Variants in UST observed in about 807,000 individuals in gnomAD.
UST encodes chondroitin sulfate 2-O-sulfotransferase.
UST carries 21 observed loss-of-function variants against 45.6 expected under a neutral mutation model. The observed-to-expected ratio is 0.46, with a 90% CI of 0.33 to 0.66. The LOEUF (loss-of-function observed/expected upper bound fraction) is 0.66. Ranked by LOEUF, UST falls within the 30% of genes least tolerant of loss-of-function variation. UST has a pLI of 0.02. For synonymous variants in UST, 215 were observed against 200.6 expected (o/e 1.07, Z -0.61); for missense variants, 463 against 512.4 (o/e 0.90, Z 0.93).
At chr6:148,852,585 T>C (rs995808011) in intron 1 of UST, among the ~76,000 whole-genome samples, 3 of 152,216 alleles carry the variant, frequency 2.0e-5, no homozygotes, top group African/African-American at 4.8e-5. Context: ...CTCAGAGATC[T>C]GGAGCATAGG....
chr6:149,017,964 C>T (rs936281727), intron 5 of UST, among the ~76,000 whole-genome samples: 9 of 152,186 alleles, frequency 5.9e-5, no homozygotes, highest in Middle Eastern at 3.4e-3. Flanking sequence ...ACATATGCAC[C>T]CCCCTATTCA....
intron 3 of UST, among the ~76,000 whole-genome samples, chr6:148,952,848 G>A (rs1780394005): frequency 1.3e-5 from 2 of 152,314 alleles, no homozygotes; most frequent in Admixed American, 6.5e-5. Context: ...TCGTTTTGAT[G>A]GGGCCAACCA....
At chr6:149,036,277 C>T (rs961718489) in intron 7 of UST, among the ~76,000 whole-genome samples, 2 of 152,206 alleles carry the variant, frequency 1.3e-5, no homozygotes, top group Non-Finnish European at 1.5e-5. Flanking sequence ...CCATCTCTGA[C>T]TCTCAGCTGG....
chr6:148,950,270 G>A (rs1438129155), intron 3 of UST, among the ~76,000 whole-genome samples: 2 of 152,226 alleles, frequency 1.3e-5, no homozygotes, highest in African/African-American at 2.4e-5. Context: ...CTCGGGTGAT[G>A]CTGATGCTGC....
intron 1 of UST, among the ~76,000 whole-genome samples, chr6:148,830,466 G>A (rs542625087): frequency 2.1e-4 from 32 of 152,214 alleles, no homozygotes; most frequent in African/African-American, 6.7e-4. Flanking sequence ...TTGCCGCATC[G>A]TTTCCTTTCG....
At chr6:148,839,628 G>A (rs1207309435) in intron 1 of UST, among the ~76,000 whole-genome samples, 1 of 152,200 alleles carries the variant, frequency 6.6e-6, no homozygotes, top group East Asian at 1.9e-4. Flanking sequence ...GTGAGGCAGA[G>A]TCACTTGGGA....
At chr6:149,012,829 A>G (rs1775835471) in intron 5 of UST, among the ~76,000 whole-genome samples, 2 of 151,614 alleles carry the variant, frequency 1.3e-5, no homozygotes, top group African/African-American at 2.4e-5. Context: ...AAAAACTATC[A>G]GAATCACCAG....
At chr6:148,774,031 G>C (rs935494920) in intron 1 of UST, among the ~76,000 whole-genome samples, 2 of 152,150 alleles carry the variant, frequency 1.3e-5, no homozygotes, top group East Asian at 3.8e-4. Context: ...ACCAAAGGAA[G>C]AATTCAAAAT....
At chr6:148,795,010 T>C (rs1776921360) in intron 1 of UST, among the ~76,000 whole-genome samples, 1 of 152,228 alleles carries the variant, frequency 6.6e-6, no homozygotes, top group Non-Finnish European at 1.5e-5. Flanking sequence ...CTGACTCATG[T>C]TGTTTTTAAA....
chr6:148,968,485 C>T (rs940943764), intron 5 of UST, among the ~76,000 whole-genome samples: 1 of 152,208 alleles, frequency 6.6e-6, no homozygotes, highest in Non-Finnish European at 1.5e-5. Context: ...GTGGCTGCCT[C>T]CTTTTTGGGG....
intron 7 of UST, among the ~76,000 whole-genome samples, chr6:149,068,192 T>C (rs1776769845): frequency 6.6e-6 from 1 of 152,162 alleles, no homozygotes; most frequent in Non-Finnish European, 1.5e-5. Context: ...ACCATTATGC[T>C]CTACCACACT....
chr6:149,009,821 CT>C (rs60752380), intron 5 of UST, among the ~76,000 whole-genome samples: 6,105 of 143,084 alleles, frequency 0.043, 362 homozygotes, highest in African/African-American at 0.14. Context: ...TACCTTTTGT[CT>C]TTTTTTTTTT....
At chr6:148,960,653 A>G (rs1780637206) in intron 4 of UST, among the ~76,000 whole-genome samples, 1 of 152,216 alleles carries the variant, frequency 6.6e-6, no homozygotes, top group Non-Finnish European at 1.5e-5. Context: ...CTTCACAACA[A>G]TGTGAATGTT....
chr6:149,056,800 GGAAC>G (rs1776572265), intron 7 of UST, among the ~76,000 whole-genome samples: 1 of 152,162 alleles, frequency 6.6e-6, no homozygotes, highest in African/African-American at 2.4e-5. Flanking sequence ...CAGCATCCTT[GGAAC>G]TTCATTTCAC....
intron 2 of UST, among the ~76,000 whole-genome samples, chr6:148,914,253 T>C (rs2114883969): frequency 6.6e-6 from 1 of 152,306 alleles, no homozygotes; most frequent in South Asian, 2.1e-4. Flanking sequence ...TTAAGTATAG[T>C]CTTAACTTTC....
intron 7 of UST, among the ~76,000 whole-genome samples, chr6:149,060,776 G>A (rs1044647817): frequency 6.6e-6 from 1 of 152,212 alleles, no homozygotes; most frequent in East Asian, 1.9e-4. Flanking sequence ...CCTGAGATGA[G>A]TAAGTCAGTT....
At chr6:148,849,749 G>T (rs188996679) in intron 1 of UST, among the ~76,000 whole-genome samples, 5 of 152,168 alleles carry the variant, frequency 3.3e-5, no homozygotes, top group Admixed American at 2.0e-4. Context: ...GGGGGAAACT[G>T]CCCCCATGAT....
At chr6:148,825,132 G>A (rs1404105827) in intron 1 of UST, among the ~76,000 whole-genome samples, 2 of 152,100 alleles carry the variant, frequency 1.3e-5, no homozygotes, top group African/African-American at 2.4e-5. Flanking sequence ...GCATGGTATG[G>A]GGGTGAGAGG....
At chr6:149,059,972 C>G (rs1318457127) in intron 7 of UST, among the ~76,000 whole-genome samples, 6 of 152,168 alleles carry the variant, frequency 3.9e-5, no homozygotes, top group Non-Finnish European at 5.9e-5. Context: ...CCTCAGCGAC[C>G]TACCCCACAC....
Sources: allele counts gnomAD v4.1 joint callset (sites outside exome capture counted in the v4.1 genomes callset), GRCh38; gene constraint gnomAD v4.1.1; transcripts MANE v1.5; gene names NCBI Gene and HGNC (gene_info 2026-07-23, HGNC 2026-07-21).